Variants in RBBP8 observed in about 807,000 individuals in gnomAD.
RBBP8 encodes the protein RB binding protein 8, endonuclease, also known as DNA endonuclease RBBP8.
In RBBP8, 88 loss-of-function variants were observed where a neutral mutation model predicts 108.3. That is an observed-to-expected ratio of 0.81 (90% CI 0.68 to 0.97). The LOEUF (loss-of-function observed/expected upper bound fraction) is 0.97. Ranked by LOEUF, RBBP8 falls within the 50% of genes least tolerant of loss-of-function variation. The probability of loss-of-function intolerance (pLI) is 0.00; values close to 1 mark genes in which losing one functional copy is unlikely to be tolerated. For synonymous variants in RBBP8, 332 were observed against 348.2 expected (o/e 0.95, Z 0.52); for missense variants, 1,023 against 1,049.0 (o/e 0.98, Z 0.34).
intron 18 of RBBP8, among the ~76,000 whole-genome samples, chr18:23,025,352 C>T (rs928333419): frequency 6.6e-6 from 1 of 152,218 alleles, no homozygotes; most frequent in African/African-American, 2.4e-5. Context: ...AGACCTTCTT[C>T]ACTTTTGGAG....
At chr18:22,997,304 G>A (rs549571553) in intron 13 of RBBP8, among the ~76,000 whole-genome samples, 27 of 152,240 alleles carry the variant, frequency 1.8e-4, no homozygotes, top group Middle Eastern at 6.8e-3. Flanking sequence ...AGTGTACATT[G>A]ATGTTCATTA....
intron 2 of RBBP8, among the ~76,000 whole-genome samples, chr18:22,940,566 C>T (rs926758778): frequency 2.6e-5 from 4 of 151,866 alleles, no homozygotes; most frequent in Non-Finnish European, 4.4e-5. Context: ...GTGATCCGCC[C>T]GCCTCAGCCT....
At chr18:22,981,518 C>T (rs1331626943) in intron 6 of RBBP8, among the ~76,000 whole-genome samples, 2 of 152,128 alleles carry the variant, frequency 1.3e-5, no homozygotes, top group African/African-American at 4.8e-5. Context: ...AGTAATACCT[C>T]ACAGAGTTGT....
chr18:22,929,647 G>A (rs1001779773), upstream of RBBP8, among the ~76,000 whole-genome samples: 5 of 151,938 alleles, frequency 3.3e-5, no homozygotes, highest in Admixed American at 2.0e-4. Flanking sequence ...CTCCCACAGC[G>A]TTGAGGTTAC....
chr18:23,005,516 G>C (rs568207098), intron 15 of RBBP8, among the ~76,000 whole-genome samples: 1 of 152,106 alleles, frequency 6.6e-6, no homozygotes, highest in East Asian at 1.9e-4. Flanking sequence ...TGGTTCAAGA[G>C]ATTCTCCTGC....
chr18:22,978,318 A>G (rs1914634857), intron 6 of RBBP8, among the ~76,000 whole-genome samples: 1 of 152,220 alleles, frequency 6.6e-6, no homozygotes, highest in South Asian at 2.1e-4. Context: ...AAAGGAGGAC[A>G]AGTGTGCATA....
chr18:22,920,098 G>A lies in RBBP8; in HGVS notation c.-154+3072G>A, dbSNP rs188654714. Among the ~76,000 whole-genome samples, 33 of 152,044 alleles carry A rather than the reference G, an allele frequency of 2.2e-4. No homozygotes were observed. In the South Asian group the frequency reaches 3.5e-3, roughly 16 times the overall value. On this transcript the variant is annotated intron_variant, in intron 3 of 4. Transcript: ENST00000577588. ...AGCACTTTGAGAGGCCACGGTAAGC[G>A]GATTGCTTGAGCCCAGGAGTTCAAG...
intron 14 of RBBP8, among the ~76,000 whole-genome samples, chr18:22,998,777 G>T (rs1343039674): frequency 6.6e-6 from 1 of 152,166 alleles, no homozygotes; most frequent in East Asian, 1.9e-4. Context: ...GTAAATCAAA[G>T]AAAACTTTAG....
At chr18:22,972,595 G>A (rs1300352013) in intron 5 of RBBP8, among the ~76,000 whole-genome samples, 1 of 151,890 alleles carries the variant, frequency 6.6e-6, no homozygotes, top group Non-Finnish European at 1.5e-5. Context: ...TGTATTTTTA[G>A]TAGAGATGGG....
chr18:22,917,682 A>C (rs1182747940), intron 3 of RBBP8, among the ~76,000 whole-genome samples: 5 of 152,186 alleles, frequency 3.3e-5, no homozygotes, highest in Non-Finnish European at 7.3e-5. Context: ...TAAAAATAAA[A>C]TCAGCAATCT....
chr18:23,015,330 A>G (rs544539640), intron 16 of RBBP8, among the ~76,000 whole-genome samples: 7 of 152,314 alleles, frequency 4.6e-5, no homozygotes, highest in Admixed American at 1.3e-4. Flanking sequence ...TTAATGTTAT[A>G]CAATGCCAAT....
At chr18:22,958,688 A>G (rs1372809987) in intron 4 of RBBP8, among the ~76,000 whole-genome samples, 1 of 152,074 alleles carries the variant, frequency 6.6e-6, no homozygotes, top group Non-Finnish European at 1.5e-5. Context: ...GGGACTACAC[A>G]TAACACTACA....
intron 16 of RBBP8, among the ~76,000 whole-genome samples, chr18:23,011,881 C>G (rs1021270495): frequency 3.3e-5 from 5 of 152,050 alleles, no homozygotes; most frequent in African/African-American, 1.2e-4. Flanking sequence ...TTGGGCCTCC[C>G]TATTCCCTGA....
chr18:23,001,078 G>A (rs1333563708), intron 14 of RBBP8, among the ~76,000 whole-genome samples: 5 of 152,154 alleles, frequency 3.3e-5, no homozygotes, highest in Non-Finnish European at 7.3e-5. Flanking sequence ...TAGGCCTGCA[G>A]CCCTCATCAT....
At chr18:22,954,375 A>G (rs554901096) in intron 4 of RBBP8, among the ~76,000 whole-genome samples, 8 of 152,344 alleles carry the variant, frequency 5.3e-5, no homozygotes, top group African/African-American at 1.9e-4. Flanking sequence ...TGGCCAAAAC[A>G]AAGGGGCTGC....
chr18:22,931,228 G>T (rs552951806), upstream of RBBP8, among the ~76,000 whole-genome samples: 359 of 152,332 alleles, frequency 2.4e-3, 1 homozygote, highest in Non-Finnish European at 4.3e-3. Flanking sequence ...GGCAAAGAGT[G>T]GGGGTAGGTT....
intron 1 of RBBP8, among the ~76,000 whole-genome samples, chr18:22,936,069 GC>G (rs752231805): frequency 1.8e-4 from 27 of 152,024 alleles, no homozygotes; most frequent in Non-Finnish European, 3.4e-4. Context: ...TCAGTTTTGG[GC>G]TCAGTATGTT....
At chr18:23,013,143 C>A (rs991945718) in intron 16 of RBBP8, among the ~76,000 whole-genome samples, 1 of 151,050 alleles carries the variant, frequency 6.6e-6, no homozygotes, top group Non-Finnish European at 1.5e-5. Flanking sequence ...TCCCACCATA[C>A]AAATAGAGCT....
At chr18:22,933,151 C>T (rs998102349), upstream of RBBP8, among the ~76,000 whole-genome samples, 3 of 152,236 alleles carry the variant, frequency 2.0e-5, no homozygotes, top group South Asian at 2.1e-4. Flanking sequence ...TTCAGAAATG[C>T]TGTGGCGGTC....
Sources: allele counts gnomAD v4.1 joint callset (sites outside exome capture counted in the v4.1 genomes callset), GRCh38; gene constraint gnomAD v4.1.1; transcripts MANE v1.5; gene names NCBI Gene and HGNC (gene_info 2026-07-23, HGNC 2026-07-21).